Variants in AP3D1 observed in about 807,000 individuals in gnomAD.
AP3D1 encodes adaptor related protein complex 3 subunit delta 1, also known as AP-3 complex subunit delta-1.
A neutral mutation model predicts 147.6 loss-of-function variants in AP3D1; 51 were observed. The observed-to-expected ratio is 0.35, with a 90% CI of 0.28 to 0.44. AP3D1 has a LOEUF of 0.44. Among genes scored for constraint, AP3D1 ranks in the 20% least tolerant of loss-of-function variants. The probability of loss-of-function intolerance (pLI) is 1.00; values close to 1 mark genes in which losing one functional copy is unlikely to be tolerated. For synonymous variants in AP3D1, 760 were observed against 663.0 expected (o/e 1.15, Z -2.25); for missense variants, 1,421 against 1,624.2 (o/e 0.87, Z 2.15).
chr19:2,160,193 T>C (rs1470945234), intron 1 of AP3D1, among the ~76,000 whole-genome samples: 5 of 152,076 alleles, frequency 3.3e-5, no homozygotes, highest in African/African-American at 1.2e-4. Context: ...ACAGGAACTA[T>C]GGGAATGACC....
Position 2,132,759 on chromosome 19 carries a change from C to G in AP3D1, c.355-181G>C, listed in dbSNP as rs1036309967. On this transcript the variant is annotated intron_variant, in intron 4 of 31. Transcript: ENST00000643116. The stretch of plus-strand genomic sequence containing the variant: ...TGAGGGGTCTGAAGCTGAACTCGGA[C>G]AAGGAGGAAGAATTTACAGCCCATG... 2.0e-5 allele frequency among the ~76,000 whole-genome samples: 3 copies of G among 152,244 alleles called. No homozygotes were observed. The South Asian group carries it at 6.2e-4, about 32-fold the overall frequency.
Position 2,145,172 on chromosome 19 carries a change from G to A in AP3D1, c.96+6067C>T, listed in dbSNP as rs561311149. On this transcript the variant is annotated intron_variant, in intron 1 of 31. Transcript: ENST00000643116. ...GACAGGACAAAACACCAGGAAGGAC[G>A]TGAGGCTCCATCTGGACCGCAGCTC... Among the ~76,000 whole-genome samples the A allele has an allele frequency of 3.9e-5, 6 of 152,348 alleles. No individual in the cohort carries two copies. In the South Asian group the frequency reaches 6.2e-4, roughly 16 times the overall value.
rs918860425 is a variant in AP3D1 at position 2,122,571 on chromosome 19, G to A, written c.956-692C>T. Among the ~76,000 whole-genome samples the A allele has an allele frequency of 3.3e-5, 5 of 152,228 alleles. No individual in the cohort carries two copies. The East Asian group carries it at 5.8e-4, about 18-fold the overall frequency. On this transcript the variant is annotated intron_variant, in intron 11 of 31. Transcript: ENST00000643116. The stretch of plus-strand genomic sequence containing the variant: ...CCGCGTGTGGGTGTTTTTCTGACAC[G>A]TCTGTGCCTATGGCGAAGTTCAGTG...
At position 2,121,648 on chromosome 19, in the gene AP3D1, G is replaced by A. The variant is rs564717328; in HGVS notation, c.1101+86C>T. On this transcript the variant is annotated intron_variant, in intron 12 of 31. Coordinates refer to ENST00000643116, the MANE Select transcript of AP3D1 (RefSeq NM_001261826.3). ...ATGGCCGAGTGTGAGGGGACTCCAT[G>A]CATTCCACGTGGCTCTGCACCTGAC... 1.1e-5 allele frequency: 17 copies of A among 1,483,096 alleles called. No individual in the cohort carries two copies. In the African/African-American group the frequency reaches 2.0e-4, roughly 17 times the overall value. The allele number at this position is 1,483,096 out of a possible 1,614,324, so 91.9% of individuals were successfully genotyped here. A position where few individuals can be genotyped will look rare whatever the true frequency, so the allele number is the denominator to read the frequency against.
chr19:2,109,347 G>A, intron 29 of AP3D1, 140 bp from the exon 30 acceptor site: 1 of 1,157,608 alleles, frequency 8.6e-7, no homozygotes, highest in East Asian at 2.5e-5. Flanking sequence ...TGGGGGTCCT[G>A]GAAGGTGTGG....
intron 8 of AP3D1, among the ~76,000 whole-genome samples, chr19:2,128,264 G>T (rs147892340): frequency 6.6e-6 from 1 of 152,114 alleles, no homozygotes; most frequent in Non-Finnish European, 1.5e-5. Context: ...CAACCTTGCA[G>T]TGCGGAGACC....
At chr19:2,119,510 G>A (rs544737271) in intron 14 of AP3D1, among the ~76,000 whole-genome samples, 7 of 152,016 alleles carry the variant, frequency 4.6e-5, no homozygotes, top group Non-Finnish European at 7.4e-5. Flanking sequence ...TGGCTAACAC[G>A]GTGAAACCCC....
At chr19:2,115,666 C>G in intron 18 of AP3D1, 53 bp from the exon 19 acceptor site, 1 of 1,561,462 alleles carries the variant, frequency 6.4e-7, no homozygotes, top group South Asian at 1.1e-5. Context: ...GACACACGTG[C>G]AAGACAAGCC....
intron 9 of AP3D1, among the ~76,000 whole-genome samples, chr19:2,125,285 A>C (rs1245240575): frequency 6.6e-6 from 1 of 152,164 alleles, no homozygotes; most frequent in Non-Finnish European, 1.5e-5. Context: ...TGTCACACCC[A>C]ATCTTTGTAG....
chr19:2,141,011 A>G (rs1358276691), intron 1 of AP3D1, among the ~76,000 whole-genome samples: 1 of 152,190 alleles, frequency 6.6e-6, no homozygotes, highest in South Asian at 2.1e-4. Flanking sequence ...TGCTCGCCTC[A>G]GCCTCCCAAA....
In AP3D1 at chr19:2,101,895, G is replaced by A. The variant is rs537170302; in HGVS notation, c.*278C>T. ...CATTCAAGGACTCGGCCCCCAGCGC[G>A]GGGCAGGGCACAGACCCAGGTGGGG... On this transcript the variant is annotated 3_prime_UTR_variant, in exon 32 of 32. Coordinates refer to ENST00000643116, the MANE Select transcript of AP3D1 (RefSeq NM_001261826.3). 2.1e-5 allele frequency: 9 copies of A among 430,038 alleles called. No individual in the cohort carries two copies. The highest frequency in any genetic ancestry group is 5.1e-5 in the South Asian group (2 of 39,536). 26.6% of individuals were successfully genotyped at this position (430,038 alleles called of 1,614,324 possible). A position where few individuals can be genotyped will look rare whatever the true frequency, so the allele number is the denominator to read the frequency against.
At chr19:2,128,480 C>T (rs1322700313) in intron 8 of AP3D1, among the ~76,000 whole-genome samples, 1 of 116,940 alleles carries the variant, frequency 8.6e-6, no homozygotes, top group Non-Finnish European at 1.8e-5. Flanking sequence ...CCCGCCGCTC[C>T]GACACTGCAC....
upstream of AP3D1, among the ~76,000 whole-genome samples, chr19:2,153,385 G>A (rs1036811417): frequency 3.2e-5 from 3 of 95,042 alleles, no homozygotes; most frequent in South Asian, 1.0e-3. Context: ...AAAAAGAAGT[G>A]GGGGGGGGGA....
At chr19:2,120,572 T>C (rs1396903884) in intron 14 of AP3D1, among the ~76,000 whole-genome samples, 1 of 152,138 alleles carries the variant, frequency 6.6e-6, no homozygotes, top group African/African-American at 2.4e-5. Context: ...GCCCACCCCA[T>C]GGATCCTCCC....
intron 4 of AP3D1, among the ~76,000 whole-genome samples, chr19:2,136,242 C>T (rs1599482863): frequency 6.6e-6 from 1 of 152,216 alleles, no homozygotes; most frequent in Non-Finnish European, 1.5e-5. Context: ...CACCCTGTGC[C>T]GGACATCAGT....
intron 31 of AP3D1, among the ~76,000 whole-genome samples, chr19:2,108,271 A>G (rs746715438): frequency 1.3e-5 from 2 of 152,234 alleles, no homozygotes; most frequent in Non-Finnish European, 2.9e-5. Context: ...TTGGCAGTCG[A>G]CACACTGCGA....
upstream of AP3D1, among the ~76,000 whole-genome samples, chr19:2,152,104 T>C (rs1037812824): frequency 6.6e-6 from 1 of 152,210 alleles, no homozygotes; most frequent in Non-Finnish European, 1.5e-5. Context: ...GAGACAGGAC[T>C]ACGACATTGT....
At chr19:2,164,377 G>A in exon 1 of AP3D1, 1 of 655,340 alleles carries the variant, frequency 1.5e-6, no homozygotes, top group Non-Finnish European at 2.1e-6. Flanking sequence ...GCGGAACGGA[G>A]ACCCTGGACT....
At position 2,142,613 on chromosome 19, in the gene AP3D1, C is replaced by T. The variant is rs553567084; in HGVS notation, c.97-3899G>A. On this transcript the variant is annotated intron_variant, in intron 1 of 31. Coordinates refer to ENST00000643116, the MANE Select transcript of AP3D1 (RefSeq NM_001261826.3). Reference sequence around the variant, plus strand: ...CGAGCTGAGCCCTTGGCACATCCCACGGTGCTTTCCACGTGGCCGCCTGGC... The same window carrying T: ...CGAGCTGAGCCCTTGGCACATCCCATGGTGCTTTCCACGTGGCCGCCTGGC... 2.6e-5 allele frequency among the ~76,000 whole-genome samples: 4 copies of T among 152,344 alleles called. No homozygotes were observed. In the South Asian group the frequency reaches 6.2e-4, roughly 24 times the overall value.
Sources: gnomAD v4.1 joint callset for allele counts (sites outside exome capture counted in the v4.1 genomes callset) on GRCh38, gnomAD v4.1.1 for gene constraint, MANE v1.5 for transcripts, NCBI Gene and HGNC (gene_info 2026-07-23, HGNC 2026-07-21) for gene names.